Variants in ZYG11B observed in about 807,000 individuals in gnomAD.
ZYG11B encodes the protein zyg-11 family member B, cell cycle regulator, also known as protein zyg-11 homolog B.
ZYG11B carries 36 observed loss-of-function variants against 82.4 expected under a neutral mutation model. That is an observed-to-expected ratio of 0.44 (90% CI 0.33 to 0.58). The LOEUF (loss-of-function observed/expected upper bound fraction) is 0.58. Among genes scored for constraint, ZYG11B ranks in the 20% least tolerant of loss-of-function variants. The probability of loss-of-function intolerance (pLI) is 0.02; values close to 1 mark genes in which losing one functional copy is unlikely to be tolerated. For synonymous variants in ZYG11B, 303 were observed against 312.8 expected, an observed-to-expected ratio of 0.97 and a Z score of 0.33; for missense variants, 552 against 895.6, an observed-to-expected ratio of 0.62 and a Z score of 4.90.
intron 1 of ZYG11B, among the ~76,000 whole-genome samples, chr1:52,745,019 A>G (rs1338300141): frequency 6.6e-6 from 1 of 152,208 alleles, no homozygotes; most frequent in African/African-American, 2.4e-5. Context: ...TTCACAAAGG[A>G]TATTTTTTCT....
chr1:52,818,788 G>C (rs941993210), intron 13 of ZYG11B, among the ~76,000 whole-genome samples: 1 of 149,912 alleles, frequency 6.7e-6, no homozygotes, highest in South Asian at 2.1e-4. Context: ...TGAGATTTTC[G>C]CTTGGGTTTT....
intron 2 of ZYG11B, 97 bp from the exon 3 acceptor site, chr1:52,770,923 G>A: frequency 7.6e-7 from 1 of 1,318,314 alleles, no homozygotes; most frequent in African/African-American, 1.5e-5. Flanking sequence ...ACGAGATACT[G>A]TTACATGGGA....
chr1:52,773,629 T>A (rs11206013), intron 3 of ZYG11B, among the ~76,000 whole-genome samples: 175 of 9,452 alleles, frequency 0.019, no homozygotes, highest in East Asian at 0.085. Flanking sequence ...ATATATATAT[T>A]TTTTTTTTTT....
chr1:52,759,954 C>T (rs768053487), intron 2 of ZYG11B, among the ~76,000 whole-genome samples: 10 of 152,064 alleles, frequency 6.6e-5, no homozygotes, highest in Admixed American at 1.3e-4. Flanking sequence ...CCTCAGCCTC[C>T]GGAGTAGCTG....
intron 1 of ZYG11B, among the ~76,000 whole-genome samples, chr1:52,731,525 A>G (rs780014583): frequency 5.9e-5 from 9 of 152,120 alleles, no homozygotes; most frequent in Non-Finnish European, 1.0e-4. Flanking sequence ...GTCTCTTTCC[A>G]TGTCCAGAAT....
rs1313356218 is a variant in ZYG11B at position 52,803,123 on chromosome 1, C to CATAT, written c.1695+992_1695+995dup. ...ACATATATATATATATATATACACA[C>CATAT]ATATATATATACACACATATATATA... is the stretch of plus-strand genomic sequence containing the variant. On this transcript the variant is annotated intron_variant, in intron 10 of 13. Coordinates refer to ENST00000294353, the MANE Select transcript of ZYG11B (RefSeq NM_024646.3). Among the ~76,000 whole-genome samples, 145 of 53,630 alleles carry CATAT rather than the reference C, an allele frequency of 2.7e-3. 27 individuals are homozygous for CATAT. The highest frequency in any genetic ancestry group is 0.017 in the African/African-American group (114 of 6,880). The allele number at this position is 53,630 out of a possible 152,430, so 35.2% of individuals were successfully genotyped here.
chr1:52,806,891 C>T (rs1305062254), intron 10 of ZYG11B, among the ~76,000 whole-genome samples: 2 of 148,942 alleles, frequency 1.3e-5, no homozygotes, highest in Non-Finnish European at 1.5e-5. Flanking sequence ...TTTTTTGAGA[C>T]GGAGTCTTGC....
At chr1:52,817,431 A>G (rs1645234515) in intron 13 of ZYG11B, among the ~76,000 whole-genome samples, 1 of 151,826 alleles carries the variant, frequency 6.6e-6, no homozygotes. Context: ...TGTCTCTATC[A>G]CTGGAGCTGG....
chr1:52,780,017 A>G, intron 4 of ZYG11B, 24 bp downstream of exon 4: 1 of 1,601,118 alleles, frequency 6.2e-7, no homozygotes, highest in South Asian at 1.1e-5. Flanking sequence ...ACTGGATATG[A>G]AATTTTTGAA....
At chr1:52,813,989 C>G (rs893940198) in intron 12 of ZYG11B, 77 bp downstream of exon 12, 9 of 1,390,850 alleles carry the variant, frequency 6.5e-6, no homozygotes, top group African/African-American at 1.4e-5. Context: ...CTACTAGATG[C>G]ATAATTTTTC....
At chr1:52,807,641 A>G (rs1263959776) in intron 10 of ZYG11B, among the ~76,000 whole-genome samples, 1 of 151,782 alleles carries the variant, frequency 6.6e-6, no homozygotes, top group East Asian at 1.9e-4. Flanking sequence ...ATAGGCGCAC[A>G]CTACCATGCC....
intron 13 of ZYG11B, among the ~76,000 whole-genome samples, chr1:52,817,915 A>G (rs1464650392): frequency 7.7e-6 from 1 of 129,374 alleles, no homozygotes; most frequent in Non-Finnish European, 1.6e-5. Context: ...TCGGCTCACC[A>G]CACCCTCCAC....
chr1:52,784,768 G>T (rs1252450628), intron 4 of ZYG11B, 109 bp from the exon 5 acceptor site: 40 of 1,274,564 alleles, frequency 3.1e-5, no homozygotes, highest in Non-Finnish European at 4.2e-5. Flanking sequence ...GGATGAAAAA[G>T]AAAATTATGA....
At chr1:52,762,982 G>A (rs932470499) in intron 2 of ZYG11B, among the ~76,000 whole-genome samples, 3 of 141,590 alleles carry the variant, frequency 2.1e-5, no homozygotes, top group African/African-American at 7.6e-5. Context: ...AGATTGGGGG[G>A]GGGGGGTCTA....
intron 13 of ZYG11B, among the ~76,000 whole-genome samples, chr1:52,817,480 G>A (rs186514894): frequency 4.6e-4 from 70 of 150,980 alleles, no homozygotes; most frequent in African/African-American, 1.6e-3. Flanking sequence ...CAACCTTGAC[G>A]TCCAGGCTCA....
intron 10 of ZYG11B, among the ~76,000 whole-genome samples, chr1:52,804,392 C>CAG (rs1645123979): frequency 1.3e-5 from 2 of 151,812 alleles, no homozygotes; most frequent in East Asian, 3.9e-4. Flanking sequence ...GCAGGCGGGT[C>CAG]ACCTGAGGTC....
intron 6 of ZYG11B, among the ~76,000 whole-genome samples, chr1:52,791,650 T>G (rs1046376248): frequency 4.6e-5 from 7 of 152,248 alleles, no homozygotes; most frequent in African/African-American, 1.7e-4. Flanking sequence ...ATTACAGGCA[T>G]GAGCCACTGC....
intron 3 of ZYG11B, among the ~76,000 whole-genome samples, chr1:52,773,109 A>G (rs927215025): frequency 6.6e-6 from 1 of 152,124 alleles, no homozygotes; most frequent in African/African-American, 2.4e-5. Context: ...TTTTCCTAAG[A>G]TTTCTCATGC....
chr1:52,765,745 C>G (rs1644677710), intron 2 of ZYG11B, among the ~76,000 whole-genome samples: 1 of 151,986 alleles, frequency 6.6e-6, no homozygotes, highest in Non-Finnish European at 1.5e-5. Context: ...TCGGGTAATC[C>G]TCTTGTCTCA....
Sources: gnomAD v4.1 joint callset for allele counts (sites outside exome capture counted in the v4.1 genomes callset) on GRCh38, gnomAD v4.1.1 for gene constraint, MANE v1.5 for transcripts, NCBI Gene and HGNC (gene_info 2026-07-23, HGNC 2026-07-21) for gene names.